MTHFS: variants seen among roughly 807,000 people sequenced by gnomAD.
MTHFS encodes 5-formyltetrahydrofolate cyclo-ligase.
In MTHFS, 7 loss-of-function variants were observed where a neutral mutation model predicts 12.7. The ratio of observed to expected loss-of-function variants is 0.55; its 90% CI spans 0.31 to 1.03. The LOEUF is 1.03. Among genes scored for constraint, MTHFS ranks in the 50% least tolerant of loss-of-function variants. The pLI is 0.05. For missense variants in MTHFS, 252 were observed against 258.1 expected, an observed-to-expected ratio of 0.98 and a Z score of 0.16; for synonymous variants, 100 against 97.1, an observed-to-expected ratio of 1.03 and a Z score of -0.18.
chr15:79,894,503 TTTTAA>T (rs2034532072), intron 1 of MTHFS, among the ~76,000 whole-genome samples: 2 of 152,232 alleles, frequency 1.3e-5, no homozygotes, highest in African/African-American at 4.8e-5. Flanking sequence ...TGGGTCTGCT[TTTTAA>T]TTTTTCTCTC....
At chr15:79,864,602 G>C (rs628827) in intron 2 of MTHFS, among the ~76,000 whole-genome samples, 1 of 103,838 alleles carries the variant, frequency 9.6e-6, no homozygotes, top group African/African-American at 3.8e-5. Context: ...TAAATGTCCA[G>C]AAACTGAGCT....
At chr15:79,874,193 A>G (rs2034151517) in intron 2 of MTHFS, among the ~76,000 whole-genome samples, 1 of 152,224 alleles carries the variant, frequency 6.6e-6, no homozygotes, top group South Asian at 2.1e-4. Context: ...ACCAGCAAGA[A>G]CATTGGGAAA....
chr15:79,882,669 C>T (rs2034315933), intron 2 of MTHFS, among the ~76,000 whole-genome samples: 1 of 152,238 alleles, frequency 6.6e-6, no homozygotes, highest in Admixed American at 6.5e-5. Flanking sequence ...GAAGCTGCAA[C>T]TCCCATTTCC....
intron 2 of MTHFS, among the ~76,000 whole-genome samples, chr15:79,862,958 G>A (rs1476960125): frequency 6.6e-6 from 1 of 152,122 alleles, no homozygotes; most frequent in Non-Finnish European, 1.5e-5. Context: ...CTGACCTCCA[G>A]AGCTATATAT....
At chr15:79,890,207 CTTTTTTTTTTTTT>C (rs71150999) in intron 1 of MTHFS, among the ~76,000 whole-genome samples, 48 of 100,696 alleles carry the variant, frequency 4.8e-4, no homozygotes, top group Admixed American at 8.5e-4. Flanking sequence ...CTCTTTTTTC[CTTTTTTTTTTTTT>C]TTTTTTTTTT....
chr15:79,871,608 T>C (rs1360944173), intron 2 of MTHFS, among the ~76,000 whole-genome samples: 2 of 152,018 alleles, frequency 1.3e-5, no homozygotes, highest in Non-Finnish European at 2.9e-5. Context: ...ACGATTCATT[T>C]GCAGTTTTGC....
At chr15:79,879,321 C>CTTTTTTTTTT (rs565488885) in intron 2 of MTHFS, among the ~76,000 whole-genome samples, 5 of 79,336 alleles carry the variant, frequency 6.3e-5, no homozygotes, top group Admixed American at 1.6e-4. Context: ...AATTATTACC[C>CTTTTTTTTTT]TTTTTTTTTT....
chr15:79,885,214 CT>C (rs1157677303), intron 2 of MTHFS, among the ~76,000 whole-genome samples: 4 of 152,150 alleles, frequency 2.6e-5, no homozygotes, highest in Admixed American at 2.0e-4. Flanking sequence ...AGACTCTGTC[CT>C]TGATGATGCC....
At chr15:79,874,417 G>A (rs950411086) in intron 2 of MTHFS, among the ~76,000 whole-genome samples, 1 of 151,958 alleles carries the variant, frequency 6.6e-6, no homozygotes, top group Non-Finnish European at 1.5e-5. Flanking sequence ...GCCAATGGAG[G>A]GGCAGAACAG....
chr15:79,849,857 TC>T (rs1202499969), intron 2 of MTHFS, among the ~76,000 whole-genome samples: 1 of 152,250 alleles, frequency 6.6e-6, no homozygotes, highest in Non-Finnish European at 1.5e-5. Flanking sequence ...GATCTTGCAT[TC>T]CAAAACTACA....
chr15:79,845,375 G>A lies in MTHFS; in HGVS notation c.447C>T (p.Gly149=), dbSNP rs751767057. 2 of 1,614,158 alleles carry A rather than the reference G, an allele frequency of 1.2e-6. No individual in the cohort carries two copies. The highest frequency in any genetic ancestry group is 2.2e-5 in the East Asian group (1 of 44,882). ...TCAGATAGGCATCATAGTAGCCCTT[G>A]CCCCTCCCCAGTCGGTTGCCATGTT... ...FDKHGNRLGR[G]KGYYDAYLKR... is the part of the protein sequence containing the mutation. The change falls in exon 3 of 3, where the codon GGC becomes GGT. Residue 149 remains glycine, a synonymous_variant. Coordinates refer to ENST00000258874, the MANE Select transcript of MTHFS (RefSeq NM_006441.4).
At chr15:79,866,182 A>T (rs1426547536) in intron 2 of MTHFS, among the ~76,000 whole-genome samples, 2 of 152,090 alleles carry the variant, frequency 1.3e-5, no homozygotes, top group African/African-American at 4.8e-5. Flanking sequence ...AGTTCTCATG[A>T]ATAAAAGGAT....
At chr15:79,862,701 C>A (rs2033939111) in intron 2 of MTHFS, among the ~76,000 whole-genome samples, 1 of 152,184 alleles carries the variant, frequency 6.6e-6, no homozygotes, top group Non-Finnish European at 1.5e-5. Flanking sequence ...CTGCTGTTTT[C>A]TCCTTTTAGC....
chr15:79,874,814 G>A (rs927327304), intron 2 of MTHFS, among the ~76,000 whole-genome samples: 1 of 152,148 alleles, frequency 6.6e-6, no homozygotes, highest in South Asian at 2.1e-4. Flanking sequence ...TGTAAGAGGA[G>A]AAATATGGCT....
chr15:79,850,769 A>T (rs1055126653), intron 2 of MTHFS, among the ~76,000 whole-genome samples: 4 of 152,214 alleles, frequency 2.6e-5, no homozygotes, highest in African/African-American at 9.7e-5. Flanking sequence ...TGAGCTGCAG[A>T]ATCTTCGTTG....
chr15:79,871,761 AAAAAG>A (rs937517599), intron 2 of MTHFS, among the ~76,000 whole-genome samples: 1 of 152,182 alleles, frequency 6.6e-6, no homozygotes, highest in African/African-American at 2.4e-5. Context: ...ATGCTTAAAC[AAAAAG>A]AAAAGAAGAA....
In MTHFS at chr15:79,879,226, G is replaced by A. The variant is rs184311340; in HGVS notation, c.379+9867C>T. Among the ~76,000 whole-genome samples the A allele has an allele frequency of 1.0e-3, 157 of 151,284 alleles. 1 individual carries two copies. The highest frequency in any genetic ancestry group is 2.6e-3 in the Admixed American group (40 of 15,196). Reference sequence around the variant, plus strand: ...AATTTTTCACTAAGGTAACTGCAGAGAAAGTTAAAATCCCTGGAGGGTCTG... The same window carrying A: ...AATTTTTCACTAAGGTAACTGCAGAAAAAGTTAAAATCCCTGGAGGGTCTG... On this transcript the variant is annotated intron_variant, in intron 2 of 2. Coordinates refer to ENST00000258874, the MANE Select transcript of MTHFS (RefSeq NM_006441.4).
intron 1 of MTHFS, among the ~76,000 whole-genome samples, chr15:79,889,689 CGGTCATTTCACATGCTTTT>C (rs2034441736): frequency 6.6e-6 from 1 of 152,082 alleles, no homozygotes; most frequent in South Asian, 2.1e-4. Context: ...TAGTAGTCTT[CGGTCATTTCACATGCTTTT>C]CCTAGAGTAT....
At chr15:79,895,611 A>ATTT (rs2034554224) in intron 1 of MTHFS, among the ~76,000 whole-genome samples, 1 of 152,204 alleles carries the variant, frequency 6.6e-6, no homozygotes, top group African/African-American at 2.4e-5. Flanking sequence ...CATCTACTAA[A>ATTT]ACACCCAGCA....
Sources: gnomAD v4.1 joint callset for allele counts (sites outside exome capture counted in the v4.1 genomes callset) on GRCh38, gnomAD v4.1.1 for gene constraint, MANE v1.5 for transcripts, NCBI Gene and HGNC (gene_info 2026-07-23, HGNC 2026-07-21) for gene names.